The following E2F2 variants were observed in gnomAD, a reference collection of about 807,000 sequenced individuals.
E2F2 encodes transcription factor E2F2.
Under a neutral mutation model 42.2 loss-of-function variants are expected in E2F2, and 22 were observed. The observed-to-expected ratio is 0.52, with a 90% CI of 0.37 to 0.74. E2F2 has a LOEUF of 0.74. E2F2 is among the 30% of genes least tolerant of loss of function. The pLI is 0.00. For synonymous variants in E2F2, 248 were observed against 251.6 expected (o/e 0.99, Z 0.13); for missense variants, 481 against 557.8 (o/e 0.86, Z 1.39).
At chr1:23,522,140 T>A in intron 2 of E2F2, 84 bp from the exon 3 acceptor site, 2 of 1,282,694 alleles carry the variant, frequency 1.6e-6, no homozygotes, top group Non-Finnish European at 2.2e-6. Context: ...GCTCATTAAG[T>A]ACCACCTTTC....
chr1:23,521,038 A>C lies in E2F2; in HGVS notation c.612T>G (p.Pro204=), dbSNP rs933148352. The stretch of plus-strand genomic sequence containing the variant: ...CCTGCCCCAGCTGTTGCTGCTTCCC[A>C]GGTCTGGTGGGGTCTTCAAACATTC... ...GRGMFEDPTR[P]GKQQQLGQEL... The change falls in exon 4 of 7, where the codon CCT becomes CCG. Residue 204 remains proline, a synonymous_variant. Coordinates refer to ENST00000361729, the MANE Select transcript of E2F2 (RefSeq NM_004091.4). 1.2e-6 allele frequency: 2 copies of C among 1,613,236 alleles called. No individual in the cohort carries two copies. The highest frequency in any genetic ancestry group is 2.7e-5 in the African/African-American group (2 of 74,866).
At chr1:23,515,471 G>C (rs1642999795) in intron 6 of E2F2, among the ~76,000 whole-genome samples, 1 of 152,226 alleles carries the variant, frequency 6.6e-6, no homozygotes, top group South Asian at 2.1e-4. Flanking sequence ...TCAAGACACA[G>C]CTCTGTTGCC....
intron 6 of E2F2, among the ~76,000 whole-genome samples, chr1:23,511,475 A>G (rs1214455159): frequency 3.3e-5 from 5 of 151,350 alleles, no homozygotes; most frequent in Non-Finnish European, 5.9e-5. Flanking sequence ...GGCTCGAGCA[A>G]TCCTCCTGCC....
chr1:23,516,203 A>G, intron 6 of E2F2, 132 bp downstream of exon 6: 1 of 1,218,840 alleles, frequency 8.2e-7, no homozygotes, highest in Non-Finnish European at 1.1e-6. Context: ...TACAATGCAC[A>G]TGTGTGGGGT....
intron 5 of E2F2, among the ~76,000 whole-genome samples, chr1:23,517,477 AGC>A (rs1475969818): frequency 6.6e-6 from 1 of 152,230 alleles, no homozygotes; most frequent in Non-Finnish European, 1.5e-5. Context: ...TATAAATGAC[AGC>A]GTCTTTTTCC....
Position 23,509,726 on chromosome 1 carries a change from A to G in E2F2, c.*154T>C. 2.2e-6 allele frequency: 3 copies of G among 1,376,326 alleles called. No homozygotes were observed. Among genetic ancestry groups the G allele is most frequent in the Non-Finnish European group, 2.9e-6 (3 of 1,051,676 alleles). 85.3% of individuals were successfully genotyped at this position (1,376,326 alleles called of 1,614,324 possible). A position where few individuals can be genotyped will look rare whatever the true frequency, so the allele number is the denominator to read the frequency against. ...ACCCGTACCATTCATATCTCCCCACACAGCTTCTGCCGGCTGGGGCAGGAA... is the reference window on the plus strand; with the variant it reads ...ACCCGTACCATTCATATCTCCCCACGCAGCTTCTGCCGGCTGGGGCAGGAA... On this transcript the variant is annotated 3_prime_UTR_variant, in exon 7 of 7. Transcript: ENST00000361729.
intron 5 of E2F2, among the ~76,000 whole-genome samples, chr1:23,516,802 G>T (rs898417949): frequency 2.9e-5 from 4 of 139,308 alleles, no homozygotes; most frequent in East Asian, 5.0e-4. Flanking sequence ...TTGGGGCGGG[G>T]GGGGGGGGGC....
chr1:23,529,817 C>T (rs1024396137), intron 1 of E2F2, among the ~76,000 whole-genome samples: 1 of 152,144 alleles, frequency 6.6e-6, no homozygotes, highest in Non-Finnish European at 1.5e-5. Context: ...TTGATTCACA[C>T]GGGCTCCAGG....
In E2F2 at chr1:23,509,571, G is replaced by C. The variant is rs142089867; in HGVS notation, c.*309C>G. The C allele has an allele frequency of 2.4e-5, 7 of 297,228 alleles. No individual in the cohort carries two copies. Among genetic ancestry groups the C allele is most frequent in the Non-Finnish European group, 4.3e-5 (7 of 164,040 alleles). 18.4% of individuals were successfully genotyped at this position (297,228 alleles called of 1,614,324 possible). The stretch of plus-strand genomic sequence containing the variant: ...AATTACCCCTCAAAAGGAGGTAGCA[G>C]GGCCTTTCCCTGGACTTGGCCACCT... On this transcript the variant is annotated 3_prime_UTR_variant, in exon 7 of 7. Coordinates refer to ENST00000361729, the MANE Select transcript of E2F2 (RefSeq NM_004091.4).
rs538152776 is a variant in E2F2 at position 23,517,440 on chromosome 1, C to G, written c.853-913G>C. 6.6e-5 allele frequency among the ~76,000 whole-genome samples: 10 copies of G among 152,362 alleles called. No individual in the cohort carries two copies. In the East Asian group the frequency reaches 1.9e-3, roughly 29 times the overall value. On this transcript the variant is annotated intron_variant, in intron 5 of 6. Transcript: ENST00000361729. ...GATACCTCCTCTAACTACCCTTTCTCTATGCTTGCAAAGCACATCTTCAGT... is the reference window on the plus strand; with the variant it reads ...GATACCTCCTCTAACTACCCTTTCTGTATGCTTGCAAAGCACATCTTCAGT...
At chr1:23,519,372 G>A in intron 4 of E2F2, 1 of 307,306 alleles carries the variant, frequency 3.3e-6, no homozygotes. Flanking sequence ...CATAAAAAAT[G>A]TTGCCTTATG....
At chr1:23,518,913 A>G (rs2148699000) in intron 5 of E2F2, 103 bp downstream of exon 5, 1 of 834,662 alleles carries the variant, frequency 1.2e-6, no homozygotes, top group Non-Finnish European at 1.8e-6. Flanking sequence ...GGGCCTGCAA[A>G]GCATGGGGCT....
chr1:23,509,704 C>G lies in E2F2; in HGVS notation c.*176G>C. 2 of 1,278,410 alleles carry G rather than the reference C, an allele frequency of 1.6e-6. No homozygotes were observed. Among genetic ancestry groups the G allele is most frequent in the South Asian group, 2.0e-5 (1 of 49,814 alleles). The allele number at this position is 1,278,410 out of a possible 1,614,324, so 79.2% of individuals were successfully genotyped here. A position where few individuals can be genotyped will look rare whatever the true frequency, so the allele number is the denominator to read the frequency against. On this transcript the variant is annotated 3_prime_UTR_variant, in exon 7 of 7. Transcript: ENST00000361729. ...GACCACCCCTTATCCACTCCTCACC[C>G]GTACCATTCATATCTCCCCACACAG...
At chr1:23,517,887 C>T (rs182357567) in intron 5 of E2F2, among the ~76,000 whole-genome samples, 132 of 152,232 alleles carry the variant, frequency 8.7e-4, no homozygotes, top group African/African-American at 3.0e-3. Flanking sequence ...GGGTCTTGCA[C>T]GGCTAGGTGC....
rs769315588 is a variant in E2F2 at position 23,521,001 on chromosome 1, G to A, written c.649C>T (p.Leu217=). ...TCCAAGGCCTGCTCCGTGTTCATCA[G>A]CTCCTTCAGCTCCTGCCCCAGCTGT... The part of the protein sequence containing the change: ...QQQLGQELKE[L]MNTEQALDQL... The change falls in exon 4 of 7, where the codon CTG becomes TTG. Residue 217 remains leucine, a synonymous_variant. Coordinates refer to ENST00000361729, the MANE Select transcript of E2F2 (RefSeq NM_004091.4). 1 of 1,613,452 alleles carries A rather than the reference G, an allele frequency of 6.2e-7. No individual in the cohort carries two copies. The highest frequency in any genetic ancestry group is 1.1e-5 in the South Asian group (1 of 91,008).
intron 2 of E2F2, among the ~76,000 whole-genome samples, chr1:23,523,864 A>G (rs962696081): frequency 5.9e-5 from 9 of 152,024 alleles, no homozygotes; most frequent in Admixed American, 3.3e-4. Context: ...ATTTGAGGTC[A>G]GGAGTTTAAG....
chr1:23,519,057 C>G lies in E2F2; in HGVS notation c.811G>C (p.Ala271Pro). ...ACTTCCAGTCTCGTCTGCGGAGGGG[C>G]CTTGACGGCAATCACTGTCTGCTCC... Reference protein sequence around the residue: ...FKEQTVIAVKAPPQTRLEVPD... With the variant: ...FKEQTVIAVKPPPQTRLEVPD... The change falls in exon 5 of 7, where the codon GCC becomes CCC. Residue 271 changes from alanine (A) to proline (P), a missense_variant. Ala to Pro is a conservative substitution (Grantham distance 27). Coordinates refer to ENST00000361729, the MANE Select transcript of E2F2 (RefSeq NM_004091.4). The G allele has an allele frequency of 6.2e-7, 1 of 1,614,042 alleles. No individual in the cohort carries two copies. The highest frequency in any genetic ancestry group is 8.5e-7 in the Non-Finnish European group (1 of 1,179,952).
chr1:23,516,981 G>A (rs1336153614), intron 5 of E2F2, among the ~76,000 whole-genome samples: 2 of 152,122 alleles, frequency 1.3e-5, no homozygotes, highest in Non-Finnish European at 2.9e-5. Context: ...TGGGGTTGCT[G>A]AGCTGGTATC....
intron 1 of E2F2, among the ~76,000 whole-genome samples, chr1:23,527,400 C>G (rs1643268923): frequency 6.6e-6 from 1 of 152,218 alleles, no homozygotes; most frequent in Non-Finnish European, 1.5e-5. Flanking sequence ...CCTGGACGCT[C>G]TTAGGCAGCC....
Sources: gnomAD v4.1 joint callset for allele counts (sites outside exome capture counted in the v4.1 genomes callset) on GRCh38, gnomAD v4.1.1 for gene constraint, MANE v1.5 for transcripts, NCBI Gene and HGNC (gene_info 2026-07-23, HGNC 2026-07-21) for gene names.